Variants in MAP3K5 observed in about 807,000 individuals in gnomAD.
MAP3K5 encodes mitogen-activated protein kinase kinase kinase 5, also known as ASK-1.
A neutral mutation model predicts 158.7 loss-of-function variants in MAP3K5; 56 were observed. That is an observed-to-expected ratio of 0.35 (90% CI 0.28 to 0.44). The LOEUF is 0.44. MAP3K5 is among the 20% of genes least tolerant of loss of function. The probability of loss-of-function intolerance (pLI) is 1.00; values close to 1 mark genes in which losing one functional copy is unlikely to be tolerated. For synonymous variants in MAP3K5, 579 were observed against 601.7 expected (o/e 0.96, Z 0.55); for missense variants, 1,294 against 1,674.8 (o/e 0.77, Z 3.97).
At chr6:136,728,659 A>G (rs1782078335) in intron 1 of MAP3K5, among the ~76,000 whole-genome samples, 1 of 152,234 alleles carries the variant, frequency 6.6e-6, no homozygotes, top group African/African-American at 2.4e-5. Context: ...CCTCATCACT[A>G]AACTCTAATA....
Position 136,614,288 on chromosome 6 carries a change from T to C in MAP3K5, c.2151-2A>G. ...TCTTCATGCAGGGGCTGAGAGTATC[T>C]AAAAGACATGCAATTGTCAATGAGT... On this transcript the variant is annotated splice_acceptor_variant, in intron 15 of 29. Transcript: ENST00000359015. LOFTEE classifies it high-confidence loss of function. The C allele has an allele frequency of 6.2e-7, 1 of 1,611,840 alleles. No individual in the cohort carries two copies. The highest frequency in any genetic ancestry group is 8.5e-7 in the Non-Finnish European group (1 of 1,178,950).
chr6:136,602,466 G>A (rs1396781801), intron 19 of MAP3K5, among the ~76,000 whole-genome samples: 2 of 151,966 alleles, frequency 1.3e-5, no homozygotes, highest in Admixed American at 1.3e-4. Flanking sequence ...ACCACGCCTG[G>A]CTAATTTTTT....
intron 26 of MAP3K5, among the ~76,000 whole-genome samples, chr6:136,566,009 T>C (rs1774089649): frequency 6.6e-6 from 1 of 152,174 alleles, no homozygotes; most frequent in Non-Finnish European, 1.5e-5. Context: ...TCAACAGAGA[T>C]GGGCAGATGT....
chr6:136,598,125 C>T (rs1775713351), intron 21 of MAP3K5, among the ~76,000 whole-genome samples: 2 of 152,222 alleles, frequency 1.3e-5, no homozygotes, highest in Admixed American at 6.5e-5. Context: ...GCTCCCCACT[C>T]CAGCATCATC....
At chr6:136,608,047 C>T (rs537643853) in intron 18 of MAP3K5, among the ~76,000 whole-genome samples, 3 of 152,232 alleles carry the variant, frequency 2.0e-5, no homozygotes, top group African/African-American at 7.2e-5. Context: ...AGAAAGTTAC[C>T]CATGCAGACA....
chr6:136,685,940 G>A (rs866268942), intron 7 of MAP3K5, among the ~76,000 whole-genome samples: 6 of 152,152 alleles, frequency 3.9e-5, no homozygotes, highest in African/African-American at 1.2e-4. Flanking sequence ...CAACAGAAAG[G>A]GAGGTTGGGG....
chr6:136,777,668 A>C (rs1446227531), intron 1 of MAP3K5, among the ~76,000 whole-genome samples: 1 of 152,240 alleles, frequency 6.6e-6, no homozygotes, highest in African/African-American at 2.4e-5. Flanking sequence ...GAACCTTCAG[A>C]GGTAGCCCAG....
intron 1 of MAP3K5, among the ~76,000 whole-genome samples, chr6:136,776,602 G>T (rs548760155): frequency 6.6e-6 from 1 of 152,276 alleles, no homozygotes; most frequent in African/African-American, 2.4e-5. Flanking sequence ...TGAGCCACAG[G>T]TGAGGATGTT....
chr6:136,725,644 T>C (rs904641968), intron 1 of MAP3K5, among the ~76,000 whole-genome samples: 1 of 152,250 alleles, frequency 6.6e-6, no homozygotes, highest in African/African-American at 2.4e-5. Flanking sequence ...TGTCAGATAA[T>C]GACTTGTCTT....
chr6:136,747,679 T>C (rs1783020567), intron 1 of MAP3K5, among the ~76,000 whole-genome samples: 1 of 152,196 alleles, frequency 6.6e-6, no homozygotes, highest in South Asian at 2.1e-4. Context: ...TCAAATTTAA[T>C]GTGTACATGA....
At chr6:136,777,888 A>G (rs1422695024) in intron 1 of MAP3K5, among the ~76,000 whole-genome samples, 2 of 152,208 alleles carry the variant, frequency 1.3e-5, no homozygotes, top group South Asian at 2.1e-4. Flanking sequence ...TCAACAAGCA[A>G]GCAACACAAT....
intron 1 of MAP3K5, among the ~76,000 whole-genome samples, chr6:136,790,599 G>T (rs1785034812): frequency 6.6e-6 from 1 of 152,156 alleles, no homozygotes; most frequent in African/African-American, 2.4e-5. Flanking sequence ...TTCAGCTTTG[G>T]CTGAATTCCA....
intron 12 of MAP3K5, 69 bp from the exon 13 acceptor site, chr6:136,639,707 A>T (rs1159184857): frequency 2.7e-6 from 2 of 741,540 alleles, no homozygotes; most frequent in African/African-American, 1.8e-5. Flanking sequence ...ATGATGAAAA[A>T]GAAATGTTTT....
chr6:136,605,848 G>C (rs937833351), intron 18 of MAP3K5, among the ~76,000 whole-genome samples: 4 of 152,140 alleles, frequency 2.6e-5, no homozygotes, highest in Non-Finnish European at 5.9e-5. Context: ...TAACTCTTCT[G>C]TTTTCATTCT....
chr6:136,721,823 G>C (rs1781756964), intron 1 of MAP3K5, among the ~76,000 whole-genome samples: 1 of 152,170 alleles, frequency 6.6e-6, no homozygotes. Context: ...TTTGAGGCCA[G>C]CCTGGGCAAC....
chr6:136,662,320 A>G (rs1583370372), intron 8 of MAP3K5, among the ~76,000 whole-genome samples: 1 of 151,982 alleles, frequency 6.6e-6, no homozygotes, highest in East Asian at 1.9e-4. Flanking sequence ...GACAGAGGAA[A>G]AAAAGGAACA....
At chr6:136,727,628 G>A (rs1158105169) in intron 1 of MAP3K5, among the ~76,000 whole-genome samples, 1 of 152,190 alleles carries the variant, frequency 6.6e-6, no homozygotes, top group East Asian at 1.9e-4. Context: ...TTGAGTTGTT[G>A]TAATAATACT....
Position 136,558,786 on chromosome 6 carries a change from A to G in MAP3K5, c.4064+14T>C. On this transcript the variant is annotated intron_variant, in intron 29 of 29. Transcript: ENST00000359015. ...GTGCTCTTTCCATAGTGACAACAGA[A>G]AGAAAAGTGGTACCTTAGTCTCAAG... 1 of 1,526,266 alleles carries G rather than the reference A, an allele frequency of 6.6e-7. No homozygotes were observed. Among genetic ancestry groups the G allele is most frequent in the South Asian group, 1.1e-5 (1 of 88,096 alleles). The allele number at this position is 1,526,266 out of a possible 1,614,324, so 94.5% of individuals were successfully genotyped here.
At chr6:136,740,103 T>C (rs561775357) in intron 1 of MAP3K5, among the ~76,000 whole-genome samples, 29 of 152,328 alleles carry the variant, frequency 1.9e-4, no homozygotes, top group African/African-American at 6.5e-4. Context: ...GCCAAGGTAA[T>C]GATGGAAATT....
Sources: gnomAD v4.1 joint callset for allele counts (sites outside exome capture counted in the v4.1 genomes callset) on GRCh38, gnomAD v4.1.1 for gene constraint, MANE v1.5 for transcripts, NCBI Gene and HGNC (gene_info 2026-07-23, HGNC 2026-07-21) for gene names.